Variants in MTOR observed in about 807,000 individuals in gnomAD.
The protein encoded by MTOR is serine/threonine-protein kinase mTOR.
A neutral mutation model predicts 319.8 loss-of-function variants in MTOR; 70 were observed. The ratio of observed to expected loss-of-function variants is 0.22; its 90% confidence interval spans 0.18 to 0.27. The LOEUF is 0.27. Among genes scored for constraint, MTOR ranks in the 10% least tolerant of loss-of-function variants. The probability of loss-of-function intolerance (pLI) is 1.00; values close to 1 mark genes in which losing one functional copy is unlikely to be tolerated. For missense variants in MTOR, 1,890 were observed against 3,274.4 expected (o/e 0.58, Z 10.32); for synonymous variants, 1,183 against 1,211.4 (o/e 0.98, Z 0.49).
intron 28 of MTOR, among the ~76,000 whole-genome samples, chr1:11,184,697 C>G (rs1412022901): frequency 1.3e-5 from 2 of 152,052 alleles, no homozygotes; most frequent in Admixed American, 6.6e-5. Context: ...TGCACTACAG[C>G]ACTCCAGGGT....
chr1:11,130,610 G>C lies in MTOR; in HGVS notation c.5532C>G (p.Thr1844=), dbSNP rs547613363. ...CCTCGCTCTCACTGTTGCTGCCCTCGGTGCTGGCAGTGGTGGTGGCAGTGG... is the reference window on the plus strand; with the variant it reads ...CCTCGCTCTCACTGTTGCTGCCCTCCGTGCTGGCAGTGGTGGTGGCAGTGG... ...TAATATTTAS[T]EGSNSESEAE... The change falls in exon 39 of 58, where the codon ACC becomes ACG. Residue 1844 remains threonine (T), a synonymous_variant. Coordinates refer to ENST00000361445, the MANE Select transcript of MTOR (RefSeq NM_004958.4). The C allele has an allele frequency of 1.2e-6, 2 of 1,613,960 alleles. No individual in the cohort carries two copies. The highest frequency in any genetic ancestry group is 1.7e-6 in the Non-Finnish European group (2 of 1,179,992).
intron 25 of MTOR, among the ~76,000 whole-genome samples, chr1:11,206,702 A>G (rs1646148862): frequency 6.6e-6 from 1 of 151,940 alleles, no homozygotes; most frequent in Admixed American, 6.6e-5. Flanking sequence ...AACATTATCA[A>G]CTCTCAATTC....
At chr1:11,256,300 C>T in intron 4 of MTOR, 108 bp from the exon 5 acceptor site, 11 of 1,471,000 alleles carry the variant, frequency 7.5e-6, no homozygotes, top group Middle Eastern at 2.1e-4. Flanking sequence ...ACAGAGAAGG[C>T]TTGCTCACTC....
At chr1:11,223,810 C>T (rs932197417) in intron 19 of MTOR, among the ~76,000 whole-genome samples, 7 of 152,010 alleles carry the variant, frequency 4.6e-5, no homozygotes, top group South Asian at 2.1e-4. Flanking sequence ...GAGGCCGAGA[C>T]GGGTGGATCA....
chr1:11,241,485 T>TAAAA, intron 10 of MTOR, 68 bp downstream of exon 10: 1 of 1,528,464 alleles, frequency 6.5e-7, no homozygotes, highest in South Asian at 1.3e-5. Flanking sequence ...CTCATTCTTT[T>TAAAA]AACAGTCCCA....
intron 10 of MTOR, 36 bp from the exon 11 acceptor site, chr1:11,240,583 C>G (rs772063120): frequency 6.2e-6 from 10 of 1,600,464 alleles, no homozygotes; most frequent in Non-Finnish European, 7.7e-6. Context: ...AAGGGCTGGG[C>G]ACATGACACT....
rs756606527 is a variant in MTOR at position 11,247,649 on chromosome 1, C to T, written c.1201G>A (p.Ala401Thr). 8 of 1,614,046 alleles carry T rather than the reference C, an allele frequency of 5.0e-6. No homozygotes were observed. The highest frequency in any genetic ancestry group is 2.2e-5 in the East Asian group (1 of 44,900). The change falls in exon 8 of 58, where the codon GCA becomes ACA. Residue 401 changes from alanine (A) to threonine (T), a missense_variant. Ala to Thr is a moderately conservative substitution (Grantham distance 58). Transcript: ENST00000361445. ...TILNLLPRLAAFRPSAFTDTQ... is the reference protein window; with the variant it reads ...TILNLLPRLATFRPSAFTDTQ... ...CCTGTGAAGGCAGAAGGTCGGAATG[C>T]AGCCAAGCGGGGCAACAAATTAAGG...
rs1391243279 is a variant in MTOR at position 11,240,352 on chromosome 1, C to T, written c.1737G>A (p.Val579=). The T allele has an allele frequency of 2.5e-6, 4 of 1,611,858 alleles. No homozygotes were observed. The highest frequency in any genetic ancestry group is 1.1e-5 in the South Asian group (1 of 90,896). The change falls in exon 11 of 58, where the codon GTG becomes GTA. Residue 579 remains valine, a synonymous_variant. Coordinates refer to ENST00000361445, the MANE Select transcript of MTOR (RefSeq NM_004958.4). ...TTCGGAGGGCAAGAGTGATGCTGCC[C>T]ACATCGCTGGCCTCAGGGAGGGTCG... The part of the protein sequence containing the change: ...GLTTLPEASD[V]GSITLALRTL...
chr1:11,236,509 GTTTTT>G (rs1182732565), intron 13 of MTOR, among the ~76,000 whole-genome samples: 2 of 124,014 alleles, frequency 1.6e-5, no homozygotes, highest in African/African-American at 5.9e-5. Context: ...GTGATTTCAC[GTTTTT>G]TTTTTTTTTT....
chr1:11,170,685 T>C (rs138959875), intron 28 of MTOR, among the ~76,000 whole-genome samples: 35 of 151,418 alleles, frequency 2.3e-4, no homozygotes, highest in African/African-American at 8.3e-4. Context: ...CTTTTCTTTT[T>C]TTTTTTTCTT....
chr1:11,216,260 C>G (rs895542261), intron 19 of MTOR, 26 bp from the exon 20 acceptor site: 2 of 1,588,226 alleles, frequency 1.3e-6, no homozygotes, highest in African/African-American at 1.3e-5. Context: ...GGTCAACCAG[C>G]TGGTATCATG....
chr1:11,196,592 C>A (rs185396911), intron 28 of MTOR, among the ~76,000 whole-genome samples: 1 of 152,128 alleles, frequency 6.6e-6, no homozygotes, highest in South Asian at 2.1e-4. Flanking sequence ...CGGTGGCTCA[C>A]GCCTGTAATC....
At chr1:11,198,981 A>G (rs934248980) in intron 28 of MTOR, among the ~76,000 whole-genome samples, 1 of 152,242 alleles carries the variant, frequency 6.6e-6, no homozygotes, top group Non-Finnish European at 1.5e-5. Flanking sequence ...CCATGGCCAC[A>G]GAATTGCTTC....
intron 8 of MTOR, among the ~76,000 whole-genome samples, chr1:11,243,956 G>A (rs986376929): frequency 2.0e-5 from 3 of 151,752 alleles, no homozygotes; most frequent in Non-Finnish European, 4.4e-5. Flanking sequence ...GGAGTTTGAG[G>A]CCGCACTGAG....
At chr1:11,150,817 G>C (rs1214626090) in intron 30 of MTOR, among the ~76,000 whole-genome samples, 1 of 152,148 alleles carries the variant, frequency 6.6e-6, no homozygotes, top group Non-Finnish European at 1.5e-5. Flanking sequence ...TGGTGCTTAA[G>C]ACACCCCAAT....
Position 11,107,093 on chromosome 1 carries a change from T to C in MTOR, c.*392A>G, listed in dbSNP as rs1437709965. On this transcript the variant is annotated 3_prime_UTR_variant, in exon 58 of 58. Coordinates refer to ENST00000361445, the MANE Select transcript of MTOR (RefSeq NM_004958.4). Reference sequence around the variant, plus strand: ...ACGACCTGAGGCTTCTTGGCTGTGCTGAGTTTGCTGTACCCATGTTGAGAG... The same window carrying C: ...ACGACCTGAGGCTTCTTGGCTGTGCCGAGTTTGCTGTACCCATGTTGAGAG... 1.5e-6 allele frequency: 2 copies of C among 1,374,192 alleles called. No homozygotes were observed. The highest frequency in any genetic ancestry group is 1.9e-6 in the Non-Finnish European group (2 of 1,041,406). The allele number at this position is 1,374,192 out of a possible 1,614,324, so 85.1% of individuals were successfully genotyped here. A position where few individuals can be genotyped will look rare whatever the true frequency, so the allele number is the denominator to read the frequency against.
intron 34 of MTOR, among the ~76,000 whole-genome samples, chr1:11,140,086 A>C (rs1182861014): frequency 6.6e-6 from 1 of 151,860 alleles, no homozygotes; most frequent in Non-Finnish European, 1.5e-5. Context: ...CGGCTCCCAA[A>C]GTTCTGGGAT....
chr1:11,142,373 C>T (rs56326017), intron 34 of MTOR, among the ~76,000 whole-genome samples: 2,531 of 152,276 alleles, frequency 0.017, 27 homozygotes, highest in South Asian at 0.043. Flanking sequence ...ACTGCAACCT[C>T]TGCCTCCCAG....
intron 29 of MTOR, among the ~76,000 whole-genome samples, chr1:11,162,928 A>T (rs933940482): frequency 6.6e-6 from 1 of 152,238 alleles, no homozygotes; most frequent in African/African-American, 2.4e-5. Flanking sequence ...AAATTCACAC[A>T]TAACAATATT....
Sources: gnomAD v4.1 joint callset for allele counts (sites outside exome capture counted in the v4.1 genomes callset) on GRCh38, gnomAD v4.1.1 for gene constraint, MANE v1.5 for transcripts, NCBI Gene and HGNC (gene_info 2026-07-23, HGNC 2026-07-21) for gene names.